Variants in TP53BP1 observed in about 807,000 individuals in gnomAD.
TP53BP1 encodes the protein tumor protein p53 binding protein 1.
Under a neutral mutation model 200.8 loss-of-function variants are expected in TP53BP1, and 61 were observed. That is an observed-to-expected ratio of 0.30 (90% CI 0.25 to 0.38). The LOEUF is 0.38. Ranked by LOEUF, TP53BP1 falls within the 10% of genes least tolerant of loss-of-function variation. TP53BP1 has a pLI of 1.00. For missense variants in TP53BP1, 2,144 were observed against 2,371.9 expected (o/e 0.90, Z 2.00); for synonymous variants, 822 against 844.3 (o/e 0.97, Z 0.46).
At position 43,407,444 on chromosome 15, in the gene TP53BP1, A is replaced by G. The variant is rs778832069; in HGVS notation, c.5873T>C (p.Val1958Ala). The change falls in exon 28 of 28, where the codon GTT becomes GCT. Residue 1958 changes from valine to alanine, a missense_variant. By Grantham distance (64) the Val-to-Ala change is moderately conservative. Around this residue, in one of 4 missense-constraint regions of TP53BP1, gnomAD observed 334 missense variants for 453.4 expected, o/e 0.74. Transcript: ENST00000382044. ...SQEWVIQCLI[V>A]GERIGFKQHP... ...CTGCTTGAATCCAATTCTCTCCCCA[A>G]CAATGAGGCACTGGATCACCCACTC... 1.2e-6 allele frequency: 2 copies of G among 1,614,150 alleles called. No individual in the cohort carries two copies. The highest frequency in any genetic ancestry group is 3.3e-5 in the Admixed American group (2 of 60,024).
At chr15:43,482,442 G>A (rs540091695) in intron 4 of TP53BP1, among the ~76,000 whole-genome samples, 21 of 151,790 alleles carry the variant, frequency 1.4e-4, no homozygotes, top group South Asian at 4.2e-4. Context: ...AAACCAGCAC[G>A]GCCAACATGG....
At chr15:43,437,835 A>G (rs898478634) in intron 16 of TP53BP1, among the ~76,000 whole-genome samples, 2 of 152,232 alleles carry the variant, frequency 1.3e-5, no homozygotes, top group Non-Finnish European at 2.9e-5. Flanking sequence ...TTCTGCTGCT[A>G]TAACAGAATT....
chr15:43,407,980 G>T lies in TP53BP1; in HGVS notation c.5709C>A (p.Ala1903=). 1 of 1,613,880 alleles carries T rather than the reference G, an allele frequency of 6.2e-7. No homozygotes were observed. The change falls in exon 27 of 28, where the codon GCC becomes GCA. Residue 1903 remains alanine (A), a synonymous_variant. Coordinates refer to ENST00000382044, the MANE Select transcript of TP53BP1 (RefSeq NM_001141980.3). Reference sequence around the variant, plus strand: ...CACTTGAATGGTGCTGCTTCACAGAGGCTGCACCACCAGTCATGAGGATCT... The same window carrying T: ...CACTTGAATGGTGCTGCTTCACAGATGCTGCACCACCAGTCATGAGGATCT... ...WSEILMTGGA[A]SVKQHHSSAH...
At chr15:43,454,229 A>G (rs562983519) in intron 12 of TP53BP1, among the ~76,000 whole-genome samples, 5 of 152,144 alleles carry the variant, frequency 3.3e-5, no homozygotes, top group African/African-American at 4.8e-5. Flanking sequence ...TGTTCTACGC[A>G]AACCAAAAAA....
At chr15:43,480,040 T>C in intron 5 of TP53BP1, 23 bp from the exon 6 acceptor site, 24 of 1,610,370 alleles carry the variant, frequency 1.5e-5, no homozygotes, top group Non-Finnish European at 2.0e-5. Flanking sequence ...TGCCAAGAAA[T>C]TAGGTATCAT....
chr15:43,503,236 T>C (rs140847249), intron 1 of TP53BP1, among the ~76,000 whole-genome samples: 1 of 152,388 alleles, frequency 6.6e-6, no homozygotes, highest in African/African-American at 2.4e-5. Context: ...AAGTTCCCTG[T>C]GCCCTTTGCA....
chr15:43,492,815 T>C (rs2140160021), intron 1 of TP53BP1, among the ~76,000 whole-genome samples: 1 of 147,692 alleles, frequency 6.8e-6, no homozygotes, highest in South Asian at 2.2e-4. Context: ...AAGAATGTTT[T>C]CTAAAATCTG....
At chr15:43,452,730 A>T (rs757158819) in intron 12 of TP53BP1, among the ~76,000 whole-genome samples, 11 of 152,134 alleles carry the variant, frequency 7.2e-5, no homozygotes, top group Non-Finnish European at 1.3e-4. Context: ...ATAAACACGA[A>T]ATCACTAGCA....
intron 1 of TP53BP1, among the ~76,000 whole-genome samples, chr15:43,501,924 T>C (rs1415918400): frequency 6.6e-6 from 1 of 152,246 alleles, no homozygotes; most frequent in Admixed American, 6.5e-5. Flanking sequence ...TTTGTGAACA[T>C]TTGTTTTCAT....
intron 10 of TP53BP1, among the ~76,000 whole-genome samples, chr15:43,472,909 C>A (rs2046762322): frequency 6.6e-6 from 1 of 152,160 alleles, no homozygotes; most frequent in Non-Finnish European, 1.5e-5. Flanking sequence ...GCCGCGGACC[C>A]TCACGGTGAG....
chr15:43,409,122 G>T, intron 25 of TP53BP1, 26 bp from the exon 26 acceptor site: 1 of 1,610,482 alleles, frequency 6.2e-7, no homozygotes, highest in Non-Finnish European at 8.5e-7. Context: ...CAGAGCCAAT[G>T]GGTTTGGTGA....
At chr15:43,442,150 A>G (rs548171684) in intron 14 of TP53BP1, among the ~76,000 whole-genome samples, 2 of 149,066 alleles carry the variant, frequency 1.3e-5, no homozygotes, top group East Asian at 4.0e-4. Context: ...CAGTGGCGCA[A>G]TCTCGGCTCA....
intron 12 of TP53BP1, among the ~76,000 whole-genome samples, chr15:43,452,865 T>C (rs1389288329): frequency 6.6e-6 from 1 of 152,134 alleles, no homozygotes; most frequent in Non-Finnish European, 1.5e-5. Flanking sequence ...TAATAGAATA[T>C]CTCACTGTTT....
intron 19 of TP53BP1, 42 bp from the exon 20 acceptor site, chr15:43,421,216 G>A: frequency 6.2e-7 from 1 of 1,603,160 alleles, no homozygotes; most frequent in Non-Finnish European, 8.5e-7. Context: ...ACCTGCTACT[G>A]AATCTTTTCT....
rs148954037 is a variant in TP53BP1, at chr15:43,491,913, C to T, written c.286+89G>A. On this transcript the variant is annotated intron_variant, in intron 3 of 27. Coordinates refer to ENST00000382044, the MANE Select transcript of TP53BP1 (RefSeq NM_001141980.3). ...CACAGTAGGCTTCCTTACATACATT[C>T]GACACAACCACATAAAGTTTAAATC... The T allele has an allele frequency of 2.6e-4, 308 of 1,181,694 alleles. 1 individual carries two copies. In the African/African-American group the frequency reaches 2.9e-3, roughly 11 times the overall value. The allele number at this position is 1,181,694 out of a possible 1,614,324, so 73.2% of individuals were successfully genotyped here.
chr15:43,438,345 T>G lies in TP53BP1; in HGVS notation c.3170A>C (p.Asp1057Ala), dbSNP rs758395248. Reference protein sequence around the residue: ...ARQENEARSEDPPTTPIRGNL... With the variant: ...ARQENEARSEAPPTTPIRGNL... ...TTACCTGATGGGTGTGGTGGGGGGA[T>G]CCTCACTTCGAGCCTCATTCTCTTG... The change falls in exon 16 of 28, where the codon GAT becomes GCT. Residue 1057 changes from aspartate to alanine, a missense_variant. Around this residue, in one of 4 missense-constraint regions of TP53BP1, gnomAD observed 1,700 missense variants for 1,710.3 expected, o/e 0.99. Transcript: ENST00000382044. The G allele has an allele frequency of 5.0e-6, 8 of 1,613,726 alleles. No homozygotes were observed. Among genetic ancestry groups the G allele is most frequent in the Non-Finnish European group, 6.8e-6 (8 of 1,179,892 alleles).
intron 20 of TP53BP1, 57 bp downstream of exon 20, chr15:43,420,968 C>T: frequency 6.4e-7 from 1 of 1,566,758 alleles, no homozygotes. Context: ...CTCCCCTCTC[C>T]TCCATTCCCT....
intron 11 of TP53BP1, among the ~76,000 whole-genome samples, chr15:43,468,588 G>A (rs1012457997): frequency 5.3e-5 from 8 of 151,094 alleles, no homozygotes; most frequent in East Asian, 1.9e-4. Flanking sequence ...TGTATGGTTC[G>A]AACATCCATT....
chr15:43,492,126 T>G (rs1342518898), intron 2 of TP53BP1, 31 bp from the exon 3 acceptor site: 1 of 1,562,986 alleles, frequency 6.4e-7, no homozygotes, highest in African/African-American at 1.4e-5. Flanking sequence ...ATATCCCCAT[T>G]ATATATGAAA....
Sources: allele counts gnomAD v4.1 joint callset (sites outside exome capture counted in the v4.1 genomes callset), GRCh38; gene constraint gnomAD v4.1.1; regional missense constraint gnomAD v4.1.1; transcripts MANE v1.5; gene names NCBI Gene and HGNC (gene_info 2026-07-23, HGNC 2026-07-21).